Variants in ZMIZ1 observed in about 807,000 individuals in gnomAD.
The protein encoded by ZMIZ1 is zinc finger MIZ-type containing 1.
ZMIZ1 carries 17 observed loss-of-function variants against 113.9 expected under a neutral mutation model. The ratio of observed to expected loss-of-function variants is 0.15; its 90% CI spans 0.10 to 0.22. ZMIZ1 has a LOEUF of 0.22. Among genes scored for constraint, ZMIZ1 ranks in the 10% least tolerant of loss-of-function variants. The pLI is 1.00. For synonymous variants in ZMIZ1, 607 were observed against 603.1 expected (o/e 1.01, Z -0.09); for missense variants, 1,059 against 1,477.8 (o/e 0.72, Z 4.65).
chr10:79,217,799 G>A (rs999585662), intron 7 of ZMIZ1, among the ~76,000 whole-genome samples: 1 of 152,212 alleles, frequency 6.6e-6, no homozygotes, highest in African/African-American at 2.4e-5. Flanking sequence ...CCCTGGACAT[G>A]CCCGCCTGCA....
At chr10:79,124,212 CT>C (rs1180965209) in intron 2 of ZMIZ1, among the ~76,000 whole-genome samples, 3 of 152,232 alleles carry the variant, frequency 2.0e-5, no homozygotes, top group Non-Finnish European at 4.4e-5. Context: ...GTTGCTGCCC[CT>C]CTCTGAGCAG....
chr10:79,205,186 G>T (rs1392147887), intron 5 of ZMIZ1, among the ~76,000 whole-genome samples: 3 of 152,218 alleles, frequency 2.0e-5, no homozygotes, highest in African/African-American at 7.2e-5. Context: ...CTTTCTGATG[G>T]GGGACAGAGT....
At chr10:79,213,350 A>G (rs7069603) in intron 6 of ZMIZ1, among the ~76,000 whole-genome samples, 4,206 of 152,220 alleles carry the variant, frequency 0.028, 183 homozygotes, top group African/African-American at 0.096. Flanking sequence ...GGGTTACAGG[A>G]TTTGATTCAG....
chr10:79,285,415 C>T (rs1853007540), intron 8 of ZMIZ1: 1 of 453,972 alleles, frequency 2.2e-6, no homozygotes, highest in Non-Finnish European at 4.4e-6. Flanking sequence ...CTCACGGCAG[C>T]CTTCGAAGGG....
intron 2 of ZMIZ1, 33 bp from the exon 3 acceptor site, chr10:79,139,649 C>A (rs900428787): frequency 7.5e-6 from 3 of 398,422 alleles, no homozygotes; most frequent in Non-Finnish European, 1.3e-5. Flanking sequence ...GGCCTGCTCT[C>A]ACACACGTCT....
chr10:79,268,602 G>A (rs769365017), intron 7 of ZMIZ1, among the ~76,000 whole-genome samples: 1 of 152,232 alleles, frequency 6.6e-6, no homozygotes, highest in African/African-American at 2.4e-5. Flanking sequence ...TGGGTGCCAG[G>A]GTTGTAGAAG....
At chr10:79,164,022 C>A (rs1228686029) in intron 4 of ZMIZ1, among the ~76,000 whole-genome samples, 4 of 151,286 alleles carry the variant, frequency 2.6e-5, no homozygotes, top group African/African-American at 9.7e-5. Context: ...CGAGTTGATT[C>A]TTTGAAAAAG....
chr10:79,219,675 T>TCTAAA (rs1350671181), intron 7 of ZMIZ1, among the ~76,000 whole-genome samples: 1 of 152,188 alleles, frequency 6.6e-6, no homozygotes, highest in Non-Finnish European at 1.5e-5. Context: ...GCCTTTGTAA[T>TCTAAA]TTAGAAAGCC....
At chr10:79,079,636 G>T in intron 1 of ZMIZ1, among the ~76,000 whole-genome samples, 1 of 148,582 alleles carries the variant, frequency 6.7e-6, no homozygotes, top group East Asian at 2.3e-4. Context: ...CTGGCACTGG[G>T]GCCGGGGGGG....
At chr10:79,214,254 A>G (rs1437048291) in intron 6 of ZMIZ1, among the ~76,000 whole-genome samples, 2 of 152,246 alleles carry the variant, frequency 1.3e-5, no homozygotes, top group South Asian at 2.1e-4. Flanking sequence ...AGGGGCAAAC[A>G]GAGCCCGTGG....
At chr10:79,287,236 A>G (rs1161626099) in intron 8 of ZMIZ1, among the ~76,000 whole-genome samples, 1 of 152,184 alleles carries the variant, frequency 6.6e-6, no homozygotes, top group Non-Finnish European at 1.5e-5. Context: ...CCTGAGGAGC[A>G]GGCTCATGGC....
intron 1 of ZMIZ1, among the ~76,000 whole-genome samples, chr10:79,112,922 G>C (rs1041935780): frequency 6.6e-6 from 1 of 152,176 alleles, no homozygotes; most frequent in African/African-American, 2.4e-5. Context: ...TTTCTCTGGC[G>C]AGGGTGCTAT....
chr10:79,288,628 T>C (rs997109735), intron 8 of ZMIZ1, among the ~76,000 whole-genome samples: 3 of 152,108 alleles, frequency 2.0e-5, no homozygotes, highest in South Asian at 2.1e-4. Flanking sequence ...ATCTAGAATT[T>C]TGTGACTTGG....
chr10:79,186,295 T>A (rs775452173), intron 4 of ZMIZ1, among the ~76,000 whole-genome samples: 1 of 152,230 alleles, frequency 6.6e-6, no homozygotes, highest in Non-Finnish European at 1.5e-5. Flanking sequence ...TGACTCTCTG[T>A]TCCGTAAGTA....
chr10:79,080,155 T>C (rs547146636), intron 1 of ZMIZ1, among the ~76,000 whole-genome samples: 2 of 152,160 alleles, frequency 1.3e-5, no homozygotes, highest in Non-Finnish European at 2.9e-5. Flanking sequence ...CCTGGGATCC[T>C]GAGAAGTGGG....
Position 79,306,092 on chromosome 10 carries a change from TC to T in ZMIZ1, c.2424-3del. 1.2e-6 allele frequency: 2 copies of T among 1,608,426 alleles called. No individual in the cohort carries two copies. On this transcript the variant is annotated splice_polypyrimidine_tract_variant and splice_region_variant and intron_variant, in intron 21 of 24. Transcript: ENST00000334512. ...GGAGCCTCAGCTCTGCCACCCTTCC[TC>T]CCCCAGCTCCGAGTTTGAAGAGGTC... is the stretch of plus-strand genomic sequence containing the variant.
chr10:79,214,388 C>T (rs1223696723), intron 6 of ZMIZ1, among the ~76,000 whole-genome samples: 1 of 152,154 alleles, frequency 6.6e-6, no homozygotes, highest in Non-Finnish European at 1.5e-5. Context: ...AAACATTAGC[C>T]CTACACAGAG....
chr10:79,199,509 A>G (rs1389367312), intron 4 of ZMIZ1, among the ~76,000 whole-genome samples: 1 of 152,220 alleles, frequency 6.6e-6, no homozygotes, highest in Non-Finnish European at 1.5e-5. Context: ...CCATCTCAAA[A>G]AAAAAAAGTT....
intron 4 of ZMIZ1, among the ~76,000 whole-genome samples, chr10:79,191,600 T>A (rs1470884596): frequency 6.6e-6 from 1 of 152,214 alleles, no homozygotes; most frequent in African/African-American, 2.4e-5. Context: ...TGACTCCCTA[T>A]CTTCACCATC....
Sources: gnomAD v4.1 joint callset for allele counts (sites outside exome capture counted in the v4.1 genomes callset) on GRCh38, gnomAD v4.1.1 for gene constraint, MANE v1.5 for transcripts, NCBI Gene and HGNC (gene_info 2026-07-23, HGNC 2026-07-21) for gene names.